The following PER3 variants were observed in gnomAD, a reference collection of about 807,000 sequenced individuals.
PER3 encodes the protein period circadian regulator 3.
Under a neutral mutation model 127.2 loss-of-function variants are expected in PER3, and 107 were observed. The observed-to-expected ratio is 0.84, with a 90% CI of 0.72 to 0.99. The LOEUF (loss-of-function observed/expected upper bound fraction) is 0.99. Among genes scored for constraint, PER3 ranks in the 50% least tolerant of loss-of-function variants. The pLI is 0.00. For synonymous variants in PER3, 618 were observed against 585.8 expected (o/e 1.05, Z -0.79); for missense variants, 1,560 against 1,525.8 (o/e 1.02, Z -0.37).
intron 12 of PER3, 38 bp downstream of exon 12, chr1:7,810,059 T>G (rs1476923359): frequency 1.3e-6 from 2 of 1,590,714 alleles, no homozygotes; most frequent in South Asian, 2.2e-5. Context: ...ACAGGCATCG[T>G]GTTTTCTGTA....
Position 7,785,312 on chromosome 1 carries a change from G to T in PER3, c.129-129G>T, listed in dbSNP as rs187617823. On this transcript the variant is annotated intron_variant, in intron 2 of 21. Coordinates refer to ENST00000377532, the MANE Select transcript of PER3 (RefSeq NM_001377275.1). ...CGAGTTCCCCACCTAGAGGAAGAGGGGTCACCACCCTGTGGACTGATGCCG... is the reference window on the plus strand; with the variant it reads ...CGAGTTCCCCACCTAGAGGAAGAGGTGTCACCACCCTGTGGACTGATGCCG... 9.9e-6 allele frequency: 7 copies of T among 708,274 alleles called. No homozygotes were observed. In the Admixed American group the frequency reaches 1.4e-4, roughly 14 times the overall value. 43.9% of individuals were successfully genotyped at this position (708,274 alleles called of 1,614,324 possible).
In PER3 at chr1:7,788,254, G is replaced by GATGTT. The variant is rs1345494334; in HGVS notation, c.592+9_592+10insTGTTA. 2 of 1,594,650 alleles carry GATGTT rather than the reference G, an allele frequency of 1.3e-6. No homozygotes were observed. Among genetic ancestry groups the GATGTT allele is most frequent in the African/African-American group, 2.7e-5 (2 of 74,604 alleles). On this transcript the variant is annotated intron_variant, in intron 5 of 21. Transcript: ENST00000377532. ...ACAACTGGACCCAAAGAGGTAACAG[G>GATGTT]ACCAATGTTCAGATGTCTATCTTTC... is the stretch of plus-strand genomic sequence containing the variant.
At position 7,807,808 on chromosome 1, in the gene PER3, G is replaced by C. The variant is rs539885891; in HGVS notation, c.1137-1085G>C. Among the ~76,000 whole-genome samples the C allele has an allele frequency of 1.1e-4, 16 of 152,288 alleles. No individual in the cohort carries two copies. The South Asian group carries it at 2.9e-3, about 28-fold the overall frequency. ...CTGGAGCCCAGACTCTGGTCCCTTC[G>C]TGAACACCTGCTTCCCCCTTACCTG... On this transcript the variant is annotated intron_variant, in intron 10 of 21. Transcript: ENST00000377532.
At chr1:7,789,535 G>C (rs1486467855) in intron 5 of PER3, among the ~76,000 whole-genome samples, 1 of 152,158 alleles carries the variant, frequency 6.6e-6, no homozygotes, top group Non-Finnish European at 1.5e-5. Flanking sequence ...CTGTAAGTCC[G>C]TTAAACCTCT....
At chr1:7,787,880 A>C in intron 4 of PER3, 165 bp from the exon 5 acceptor site, 1 of 615,774 alleles carries the variant, frequency 1.6e-6, no homozygotes, top group South Asian at 2.0e-5. Flanking sequence ...AAGATTTAAG[A>C]AGCATGTTGG....
At chr1:7,819,463 A>G in intron 14 of PER3, 43 bp downstream of exon 14, 1 of 1,577,634 alleles carries the variant, frequency 6.3e-7, no homozygotes, top group Non-Finnish European at 8.7e-7. Flanking sequence ...TCTGTTCCGG[A>G]AGCATACACT....
At chr1:7,796,240 G>A (rs1172980965) in intron 6 of PER3, among the ~76,000 whole-genome samples, 1 of 151,884 alleles carries the variant, frequency 6.6e-6, no homozygotes, top group African/African-American at 2.4e-5. Context: ...TGGATGGTAG[G>A]GATGGTTATT....
intron 14 of PER3, 36 bp downstream of exon 14, chr1:7,819,456 G>C: frequency 6.2e-7 from 1 of 1,600,870 alleles, no homozygotes; most frequent in Non-Finnish European, 8.6e-7. Context: ...ATGTAAGTCT[G>C]TTCCGGAAGC....
chr1:7,809,999 T>C lies in PER3; in HGVS notation c.1349T>C (p.Val450Ala), dbSNP rs1460765649. ...ASSSEASGHR[V>A]EETKAEQMTL... ...TCCAGTGAGGCCAGTGGGCACCGTG[T>C]GGAGGAGACGAAGGCGGAGCAGGTG... The change falls in exon 12 of 22, where the codon GTG becomes GCG. Residue 450 changes from valine to alanine, a missense_variant. This residue lies in a region of PER3 where 1,332 missense variants were observed against 1,223.6 expected (regional missense o/e 1.09). Coordinates refer to ENST00000377532, the MANE Select transcript of PER3 (RefSeq NM_001377275.1). 1.9e-6 allele frequency: 3 copies of C among 1,613,984 alleles called. No homozygotes were observed. The Admixed American group carries it at 5.0e-5, about 27-fold the overall frequency.
intron 7 of PER3, among the ~76,000 whole-genome samples, chr1:7,799,881 A>T (rs1292875126): frequency 6.6e-6 from 1 of 151,716 alleles, no homozygotes; most frequent in Non-Finnish European, 1.5e-5. Context: ...TGATCCTCCC[A>T]CCGCAGCCTC....
intron 5 of PER3, among the ~76,000 whole-genome samples, chr1:7,789,123 C>G (rs530587262): frequency 7.6e-6 from 1 of 132,110 alleles, no homozygotes; most frequent in East Asian, 2.2e-4. Flanking sequence ...TGTGAAGTGT[C>G]TCTTAAAGAG....
Position 7,843,856 on chromosome 1 carries a change from A to AT in PER3, c.*1103dup. On this transcript the variant is annotated 3_prime_UTR_variant, in exon 22 of 22. Transcript: ENST00000377532. Reference sequence around the variant, plus strand: ...TTGTGTCTTTTAAGAAGTGAGTGTGATTGTTTACTTGATAAATCAGCTCAC... The same window carrying AT: ...TTGTGTCTTTTAAGAAGTGAGTGTGATTTGTTTACTTGATAAATCAGCTCAC... 1 of 1,175,740 alleles carries AT rather than the reference A, an allele frequency of 8.5e-7. No homozygotes were observed. The allele number at this position is 1,175,740 out of a possible 1,614,324, so 72.8% of individuals were successfully genotyped here. A position where few individuals can be genotyped will look rare whatever the true frequency, so the allele number is the denominator to read the frequency against.
At position 7,798,027 on chromosome 1, in the gene PER3, A is replaced by G. The variant is rs139951425; in HGVS notation, c.645-498A>G. Among the ~76,000 whole-genome samples, 330 of 152,304 alleles carry G rather than the reference A, an allele frequency of 2.2e-3. 2 individuals carry two copies. The highest frequency in any genetic ancestry group is 2.0e-3 in the Non-Finnish European group (136 of 68,032). On this transcript the variant is annotated intron_variant, in intron 6 of 21. Coordinates refer to ENST00000377532, the MANE Select transcript of PER3 (RefSeq NM_001377275.1). ...CTTTCCTCCTCAGCCAGATGCCTTTATAGATGGAGCACCTGACCTCATGCA... is the reference window on the plus strand; with the variant it reads ...CTTTCCTCCTCAGCCAGATGCCTTTGTAGATGGAGCACCTGACCTCATGCA...
chr1:7,790,188 T>TA (rs1341712140), intron 5 of PER3, among the ~76,000 whole-genome samples: 2 of 152,232 alleles, frequency 1.3e-5, no homozygotes, highest in Non-Finnish European at 2.9e-5. Flanking sequence ...AGTCCATTCT[T>TA]ACGCTGCTAT....
Position 7,832,312 on chromosome 1 carries a change from A to T in PER3, c.3214+2151A>T, listed in dbSNP as rs375374483. On this transcript the variant is annotated intron_variant, in intron 19 of 21. Transcript: ENST00000377532. ...AACTTTTCAAAGAACTTTGGATCTC[A>T]TTGGGGTTTTTTTTCCTATTGTTTT... Among the ~76,000 whole-genome samples the T allele has an allele frequency of 6.9e-4, 99 of 142,744 alleles. 1 individual carries two copies. Among genetic ancestry groups the T allele is most frequent in the South Asian group, 4.5e-3 (20 of 4,408 alleles). 93.6% of individuals were successfully genotyped at this position (142,744 alleles called of 152,430 possible).
intron 4 of PER3, chr1:7,787,167 A>C: frequency 2.1e-6 from 1 of 483,200 alleles, no homozygotes; most frequent in Non-Finnish European, 2.9e-6. Context: ...CTAATCTCCG[A>C]ATTGTTAATT....
intron 13 of PER3, among the ~76,000 whole-genome samples, chr1:7,813,342 A>G (rs961586040): frequency 6.6e-6 from 1 of 152,226 alleles, no homozygotes; most frequent in African/African-American, 2.4e-5. Flanking sequence ...CCCCAGACTT[A>G]ACAACAGAAA....
chr1:7,827,151 G>GT lies in PER3; in HGVS notation c.2222_2223insT (p.Cys742LeufsTer121). 6.2e-7 allele frequency: 1 copy of GT among 1,607,332 alleles called. No homozygotes were observed. Reference sequence around the variant, plus strand: ...ACTTCCAAGCAGACGCGGTCGGCCGGCTGCAGGAAAGGGAAGCACAAGCGG... The same window carrying GT: ...ACTTCCAAGCAGACGCGGTCGGCCGGTCTGCAGGAAAGGGAAGCACAAGCGG... On this transcript the variant is annotated frameshift_variant, in exon 18 of 22. Transcript: ENST00000377532. LOFTEE classifies it high-confidence loss of function.
intron 18 of PER3, among the ~76,000 whole-genome samples, 161 bp downstream of exon 18, chr1:7,827,976 C>T (rs1214107639): frequency 6.6e-6 from 1 of 152,218 alleles, no homozygotes; most frequent in Non-Finnish European, 1.5e-5. Context: ...TGAAACACAT[C>T]TGCCTGGCTC....
Sources: gnomAD v4.1 joint callset for allele counts (sites outside exome capture counted in the v4.1 genomes callset) on GRCh38, gnomAD v4.1.1 for gene constraint, gnomAD v4.1.1 regional missense constraint, MANE v1.5 for transcripts, NCBI Gene and HGNC (gene_info 2026-07-23, HGNC 2026-07-21) for gene names.